Variants in ACSS2 observed in about 807,000 individuals in gnomAD.
ACSS2 encodes acyl-CoA synthetase short chain family member 2.
Under a neutral mutation model 90.6 loss-of-function variants are expected in ACSS2, and 58 were observed. The ratio of observed to expected loss-of-function variants is 0.64; its 90% CI spans 0.52 to 0.80. The LOEUF (loss-of-function observed/expected upper bound fraction) is 0.80. ACSS2 is among the 30% of genes least tolerant of loss of function. The pLI, the probability that ACSS2 is intolerant of heterozygous loss-of-function variation, is 0.00. For synonymous variants in ACSS2, 300 were observed against 330.9 expected (o/e 0.91, Z 1.01); for missense variants, 759 against 912.0 (o/e 0.83, Z 2.16).
chr20:34,899,981 A>G (rs1181482164), intron 2 of ACSS2, among the ~76,000 whole-genome samples: 1 of 152,110 alleles, frequency 6.6e-6, no homozygotes, highest in Non-Finnish European at 1.5e-5. Context: ...CTATTGAGGA[A>G]CTGCCAGACT....
At chr20:34,904,905 C>CTTTT (rs10542624) in intron 2 of ACSS2, among the ~76,000 whole-genome samples, 23 of 94,570 alleles carry the variant, frequency 2.4e-4, no homozygotes, top group Non-Finnish European at 2.8e-4. Context: ...GTGTTTAAAC[C>CTTTT]TTTTTTTTTT....
intron 2 of ACSS2, among the ~76,000 whole-genome samples, chr20:34,911,091 A>G (rs928783486): frequency 3.9e-5 from 6 of 151,946 alleles, no homozygotes; most frequent in African/African-American, 1.5e-4. Flanking sequence ...TGGCCTCCCA[A>G]AGTGTTGGGA....
intron 2 of ACSS2, among the ~76,000 whole-genome samples, chr20:34,886,755 C>T (rs747122101): frequency 7.9e-5 from 12 of 152,200 alleles, no homozygotes; most frequent in Non-Finnish European, 1.8e-4. Flanking sequence ...CAAAGTTCTC[C>T]CTCTTGGAGC....
intron 2 of ACSS2, among the ~76,000 whole-genome samples, chr20:34,894,927 G>A (rs1451009557): frequency 7.2e-5 from 11 of 152,068 alleles, no homozygotes; most frequent in Non-Finnish European, 1.5e-4. Flanking sequence ...AATTACCTGA[G>A]GATGTCGTTA....
At chr20:34,899,814 T>C (rs1403225910) in intron 2 of ACSS2, among the ~76,000 whole-genome samples, 2 of 152,098 alleles carry the variant, frequency 1.3e-5, no homozygotes, top group Non-Finnish European at 2.9e-5. Flanking sequence ...CATTCCTCAA[T>C]TGGTGGACAT....
chr20:34,904,262 A>C (rs1394594034), intron 2 of ACSS2, among the ~76,000 whole-genome samples: 1 of 151,910 alleles, frequency 6.6e-6, no homozygotes, highest in Non-Finnish European at 1.5e-5. Flanking sequence ...GTGGTGATCA[A>C]AGATAACCTT....
intron 1 of ACSS2, 104 bp from the exon 2 acceptor site, chr20:34,882,690 G>A: frequency 9.3e-7 from 1 of 1,080,398 alleles, no homozygotes. Context: ...TGGGTCCTAG[G>A]GCAAGGAAGT....
intron 2 of ACSS2, among the ~76,000 whole-genome samples, chr20:34,899,867 C>T (rs1000612432): frequency 6.6e-5 from 10 of 152,154 alleles, no homozygotes; most frequent in Admixed American, 5.2e-4. Flanking sequence ...AACGCTACTA[C>T]AAACCTTTGG....
chr20:34,927,301 T>C lies in ACSS2; in HGVS notation c.*87T>C. On this transcript the variant is annotated 3_prime_UTR_variant, in exon 18 of 18. Coordinates refer to ENST00000360596, the MANE Select transcript of ACSS2 (RefSeq NM_018677.4). This position sits in a 1 kb window ranked among gnomAD's most constrained non-coding sequence, Gnocchi z 4.2. ...CCCTCAGGAGTGCTGAGGGCCAGTGTTGACCCACACTACCCTCCCTTGACC... is the reference window on the plus strand; with the variant it reads ...CCCTCAGGAGTGCTGAGGGCCAGTGCTGACCCACACTACCCTCCCTTGACC... 1 of 1,553,012 alleles carries C rather than the reference T, an allele frequency of 6.4e-7. No individual in the cohort carries two copies. The highest frequency in any genetic ancestry group is 8.8e-7 in the Non-Finnish European group (1 of 1,140,522).
intron 1 of ACSS2, among the ~76,000 whole-genome samples, chr20:34,881,802 C>G (rs779459420): frequency 5.3e-5 from 8 of 152,166 alleles, no homozygotes; most frequent in Non-Finnish European, 1.0e-4. Flanking sequence ...AAAAGCCTCC[C>G]TTCTAGAGTT....
intron 1 of ACSS2, among the ~76,000 whole-genome samples, chr20:34,877,905 TAGAC>T (rs537409145): frequency 6.8e-4 from 88 of 128,962 alleles, no homozygotes; most frequent in Non-Finnish European, 1.1e-3. Context: ...GACAGATAGA[TAGAC>T]AGATAGATAG....
At chr20:34,879,664 G>A (rs527510561) in intron 1 of ACSS2, among the ~76,000 whole-genome samples, 4 of 152,264 alleles carry the variant, frequency 2.6e-5, no homozygotes, top group South Asian at 4.1e-4. Context: ...CCCGGGAGAC[G>A]GAGATTGCAG....
intron 16 of ACSS2, among the ~76,000 whole-genome samples, chr20:34,926,651 C>G (rs932202266): frequency 6.6e-6 from 1 of 152,070 alleles, no homozygotes; most frequent in African/African-American, 2.4e-5. Flanking sequence ...AGAAAGGTGG[C>G]ATTTAAACTC....
intron 1 of ACSS2, 68 bp from the exon 2 acceptor site, chr20:34,882,726 G>A: frequency 1.3e-6 from 2 of 1,491,210 alleles, no homozygotes; most frequent in South Asian, 2.3e-5. Context: ...TGTATAGACT[G>A]GTAAGCCTTC....
rs2147076076 is a variant in ACSS2, at chr20:34,913,439, A to C, written c.513A>C (p.Pro171=). ...DRVAIYMPMI[P]ELVVAMLACA... ...TGGCCATCTACATGCCTATGATCCC[A>C]GAGCTTGTGGTGGCCATGCTGGCAT... The change falls in exon 4 of 18, where the codon CCA becomes CCC. Residue 171 remains proline (P), a synonymous_variant. Transcript: ENST00000360596. 1 of 1,613,828 alleles carries C rather than the reference A, an allele frequency of 6.2e-7. No individual in the cohort carries two copies. The highest frequency in any genetic ancestry group is 8.5e-7 in the Non-Finnish European group (1 of 1,179,946).
chr20:34,909,278 G>T (rs1327545962), intron 2 of ACSS2, among the ~76,000 whole-genome samples: 3 of 151,978 alleles, frequency 2.0e-5, no homozygotes, highest in Non-Finnish European at 4.4e-5. Context: ...AGAGGTGGGA[G>T]GATCACTTGA....
chr20:34,878,839 C>A (rs2079988333), intron 1 of ACSS2, among the ~76,000 whole-genome samples: 1 of 150,862 alleles, frequency 6.6e-6, no homozygotes, highest in Non-Finnish European at 1.5e-5. Context: ...TATGTCACTG[C>A]AAAAACTTTC....
At chr20:34,888,324 T>C (rs543770165) in intron 2 of ACSS2, among the ~76,000 whole-genome samples, 1 of 152,278 alleles carries the variant, frequency 6.6e-6, no homozygotes, top group Admixed American at 6.5e-5. Context: ...TGGATAAAAA[T>C]AGCTTTTATC....
intron 2 of ACSS2, among the ~76,000 whole-genome samples, chr20:34,890,086 T>C (rs926580128): frequency 6.6e-6 from 1 of 152,182 alleles, no homozygotes; most frequent in African/African-American, 2.4e-5. Flanking sequence ...TAATTTAATC[T>C]GTATAAAGGG....
Sources: gnomAD v4.1 joint callset for allele counts (sites outside exome capture counted in the v4.1 genomes callset) on GRCh38, gnomAD v4.1.1 for gene constraint, Gnocchi (gnomAD v3.1) non-coding constraint, MANE v1.5 for transcripts, NCBI Gene and HGNC (gene_info 2026-07-23, HGNC 2026-07-21) for gene names.